Variants in CDC20B observed in about 807,000 individuals in gnomAD.
The protein encoded by CDC20B is cell division cycle 20B.
In CDC20B, 58 loss-of-function variants were observed where a neutral mutation model predicts 64.1. That is an observed-to-expected ratio of 0.90 (90% CI 0.73 to 1.13). The LOEUF is 1.13. Among genes scored for constraint, CDC20B ranks in the 50% most tolerant of loss-of-function variants. CDC20B has a pLI of 0.00. For synonymous variants in CDC20B, 243 were observed against 230.6 expected (o/e 1.05, Z -0.49); for missense variants, 597 against 633.0 (o/e 0.94, Z 0.61).
At chr5:55,158,503 C>T (rs1175418765) in intron 2 of CDC20B, among the ~76,000 whole-genome samples, 3 of 152,180 alleles carry the variant, frequency 2.0e-5, no homozygotes, top group African/African-American at 7.2e-5. Context: ...ACAAGTTTTA[C>T]ACAGTAGGCT....
chr5:55,150,596 G>T (rs1743636330), intron 2 of CDC20B, among the ~76,000 whole-genome samples: 1 of 152,172 alleles, frequency 6.6e-6, no homozygotes, highest in Admixed American at 6.5e-5. Flanking sequence ...TGTAGTTCTT[G>T]GTTTTTGAGT....
At chr5:55,149,786 TG>T (rs1743610116) in intron 2 of CDC20B, among the ~76,000 whole-genome samples, 1 of 152,146 alleles carries the variant, frequency 6.6e-6, no homozygotes, top group Admixed American at 6.5e-5. Flanking sequence ...AAGAGAGAAG[TG>T]GTGGTTCCAG....
Position 55,119,953 on chromosome 5 carries a change from A to G in CDC20B, c.1342-35T>C, listed in dbSNP as rs549898696. The G allele has an allele frequency of 8.2e-6, 12 of 1,459,084 alleles. No homozygotes were observed. In the East Asian group the frequency reaches 1.4e-4, roughly 17 times the overall value. 90.4% of individuals were successfully genotyped at this position (1,459,084 alleles called of 1,614,324 possible). Reference sequence around the variant, plus strand: ...TGATCAAAAATAGAGAATTCTTGCAATTTCTGATTCCTTATGAATATAGTT... The same window carrying G: ...TGATCAAAAATAGAGAATTCTTGCAGTTTCTGATTCCTTATGAATATAGTT... On this transcript the variant is annotated intron_variant, in intron 10 of 11. Coordinates refer to ENST00000381375, the MANE Select transcript of CDC20B (RefSeq NM_001170402.1).
chr5:55,137,986 T>A (rs1743227641), intron 5 of CDC20B, among the ~76,000 whole-genome samples: 1 of 152,008 alleles, frequency 6.6e-6, no homozygotes. Context: ...GTTAAAAGAC[T>A]GTCAAGTTCC....
chr5:55,166,115 T>C (rs1366813246), intron 2 of CDC20B: 1 of 152,240 alleles, frequency 6.6e-6, no homozygotes, highest in Non-Finnish European at 1.5e-5. Context: ...CATGAACTCA[T>C]AGCAGTGCTG....
intron 2 of CDC20B, among the ~76,000 whole-genome samples, chr5:55,170,310 T>A (rs1273500496): frequency 4.6e-5 from 7 of 152,200 alleles, no homozygotes; most frequent in African/African-American, 2.4e-5. Flanking sequence ...TTCTTAAAAA[T>A]TTTTAGTTAT....
chr5:55,122,917 T>C (rs1185099892), intron 9 of CDC20B, among the ~76,000 whole-genome samples: 1 of 152,212 alleles, frequency 6.6e-6, no homozygotes, highest in Non-Finnish European at 1.5e-5. Flanking sequence ...CAGATGACAT[T>C]TTCCCAGAAT....
chr5:55,161,005 T>C (rs1469746857), intron 2 of CDC20B: 1 of 1,612,802 alleles, frequency 6.2e-7, no homozygotes, highest in South Asian at 1.1e-5. Context: ...TTTCACTAGT[T>C]GTAAACGTGG....
At position 55,114,214 on chromosome 5, in the gene CDC20B, G is replaced by T. The variant is rs961095671; in HGVS notation, c.*4C>A. On this transcript the variant is annotated 3_prime_UTR_variant, in exon 12 of 12. Coordinates refer to ENST00000381375, the MANE Select transcript of CDC20B (RefSeq NM_001170402.1). This position sits in a 1 kb window ranked among gnomAD's most constrained non-coding sequence, Gnocchi z 4.1. ...AGGAAACTGAAACCTAGAGGGGCTG[G>T]GTGCTAGTAGCAATTCCATACAGAG... 5.6e-6 allele frequency: 9 copies of T among 1,613,020 alleles called. No individual in the cohort carries two copies. Among genetic ancestry groups the T allele is most frequent in the Non-Finnish European group, 7.6e-6 (9 of 1,179,462 alleles).
Position 55,113,086 on chromosome 5 carries a change from T to C in CDC20B, c.*1132A>G, listed in dbSNP as rs1227192064. 1 of 152,130 alleles carries C rather than the reference T, an allele frequency of 6.6e-6. No homozygotes were observed. The highest frequency in any genetic ancestry group is 1.9e-4 in the East Asian group (1 of 5,196). The allele number at this position is 152,130 out of a possible 1,614,324, so 9.4% of individuals were successfully genotyped here. ...GGTAACATCATTTCAAAACACTTCC[T>C]GGAGAGGTTAGGACTTGTGTGGGTG... On this transcript the variant is annotated 3_prime_UTR_variant, in exon 12 of 12. Coordinates refer to ENST00000381375, the MANE Select transcript of CDC20B (RefSeq NM_001170402.1).
chr5:55,128,254 A>G (rs1219985757), intron 7 of CDC20B, among the ~76,000 whole-genome samples, 167 bp downstream of exon 7: 2 of 145,540 alleles, frequency 1.4e-5, no homozygotes, highest in Admixed American at 1.4e-4. Flanking sequence ...ATTAAAAACC[A>G]TTCAGTAAAA....
intron 2 of CDC20B, among the ~76,000 whole-genome samples, chr5:55,169,655 T>C (rs1016336287): frequency 2.6e-5 from 4 of 152,140 alleles, no homozygotes; most frequent in African/African-American, 9.7e-5. Context: ...TCCAAAAAAA[T>C]GTAAACCATC....
chr5:55,129,196 C>A (rs184612303), intron 6 of CDC20B, among the ~76,000 whole-genome samples: 1 of 152,122 alleles, frequency 6.6e-6, no homozygotes, highest in East Asian at 1.9e-4. Context: ...CTGACTGACA[C>A]GTATCAGTAT....
At chr5:55,158,838 T>A (rs1391196729) in intron 2 of CDC20B, among the ~76,000 whole-genome samples, 3 of 152,068 alleles carry the variant, frequency 2.0e-5, no homozygotes, top group Non-Finnish European at 2.9e-5. Flanking sequence ...TTAGGCCCCC[T>A]GTGCCAGGCA....
intron 4 of CDC20B, among the ~76,000 whole-genome samples, chr5:55,142,962 A>G (rs1743370361): frequency 6.6e-6 from 1 of 152,218 alleles, no homozygotes; most frequent in Admixed American, 6.5e-5. Context: ...TTGATATTTA[A>G]TGTGCCCAAA....
At chr5:55,118,328 AG>A (rs1394801116) in intron 11 of CDC20B, among the ~76,000 whole-genome samples, 1 of 152,224 alleles carries the variant, frequency 6.6e-6, no homozygotes, top group Non-Finnish European at 1.5e-5. Flanking sequence ...AGAGCTCAAA[AG>A]TAACCTCATC....
At chr5:55,138,547 G>T (rs1743246007) in intron 5 of CDC20B, among the ~76,000 whole-genome samples, 1 of 152,090 alleles carries the variant, frequency 6.6e-6, no homozygotes, top group African/African-American at 2.4e-5. Flanking sequence ...TTTTAAAACA[G>T]CACACCTTTC....
intron 2 of CDC20B, among the ~76,000 whole-genome samples, chr5:55,168,619 C>T (rs1744491879): frequency 6.6e-6 from 1 of 152,084 alleles, no homozygotes; most frequent in African/African-American, 2.4e-5. Context: ...TAAACCACAA[C>T]TTTAAATGTC....
Position 55,173,107 on chromosome 5 carries a change from A to T in CDC20B, c.-107T>A, listed in dbSNP as rs2111627730. The T allele has an allele frequency of 2.2e-6, 2 of 910,560 alleles. No homozygotes were observed. The highest frequency in any genetic ancestry group is 2.9e-5 in the South Asian group (2 of 68,294). The allele number at this position is 910,560 out of a possible 1,614,324, so 56.4% of individuals were successfully genotyped here. A position where few individuals can be genotyped will look rare whatever the true frequency, so the allele number is the denominator to read the frequency against. Reference sequence around the variant, plus strand: ...TGACGCCTAATCGTCAAACCCCTGGAGTCCCGTCCCCCAGGACCATTCTAT... The same window carrying T: ...TGACGCCTAATCGTCAAACCCCTGGTGTCCCGTCCCCCAGGACCATTCTAT... On this transcript the variant is annotated 5_prime_UTR_variant, in exon 1 of 12. Coordinates refer to ENST00000381375, the MANE Select transcript of CDC20B (RefSeq NM_001170402.1).
Sources: gnomAD v4.1 joint callset for allele counts (sites outside exome capture counted in the v4.1 genomes callset) on GRCh38, gnomAD v4.1.1 for gene constraint, Gnocchi (gnomAD v3.1) non-coding constraint, MANE v1.5 for transcripts, NCBI Gene and HGNC (gene_info 2026-07-23, HGNC 2026-07-21) for gene names.